Variants in KIF18B observed in about 807,000 individuals in gnomAD.
KIF18B encodes kinesin-like protein KIF18B.
Under a neutral mutation model 80.9 loss-of-function variants are expected in KIF18B, and 49 were observed. The ratio of observed to expected loss-of-function variants is 0.61; its 90% confidence interval spans 0.48 to 0.77. KIF18B has a LOEUF of 0.77. Among genes scored for constraint, KIF18B ranks in the 30% least tolerant of loss-of-function variants. The pLI is 0.00. For missense variants in KIF18B, 994 were observed against 1,127.7 expected, an observed-to-expected ratio of 0.88 and a Z score of 1.70; for synonymous variants, 439 against 463.9, an observed-to-expected ratio of 0.95 and a Z score of 0.69.
chr17:44,926,680 C>T (rs966136622), intron 14 of KIF18B, among the ~76,000 whole-genome samples, 181 bp from the exon 15 acceptor site: 6 of 152,126 alleles, frequency 3.9e-5, no homozygotes, highest in African/African-American at 1.4e-4. Flanking sequence ...GGGTTGGGGA[C>T]ACAAGAGGGA....
chr17:44,943,836 T>TAC (rs972802497), intron 1 of KIF18B, among the ~76,000 whole-genome samples: 11 of 152,268 alleles, frequency 7.2e-5, no homozygotes, highest in African/African-American at 2.4e-4. Context: ...TCATGTCACC[T>TAC]ACCTCCCCAG....
chr17:44,933,545 T>C (rs1231333026), intron 7 of KIF18B, among the ~76,000 whole-genome samples: 3 of 150,882 alleles, frequency 2.0e-5, no homozygotes. Flanking sequence ...CAGGCTGGAG[T>C]GCAGTGGCAT....
intron 11 of KIF18B, among the ~76,000 whole-genome samples, chr17:44,929,649 T>TAC (rs2052106177): frequency 6.6e-6 from 1 of 152,224 alleles, no homozygotes; most frequent in South Asian, 2.1e-4. Flanking sequence ...ATAAGCACTG[T>TAC]AGGTCTAGCT....
intron 1 of KIF18B, among the ~76,000 whole-genome samples, chr17:44,944,870 G>A (rs1015062108): frequency 5.9e-5 from 9 of 152,184 alleles, no homozygotes; most frequent in East Asian, 1.9e-4. Context: ...TTCCATTGCC[G>A]TTTCTCTTTC....
chr17:44,943,184 C>T (rs1181448184), intron 1 of KIF18B, among the ~76,000 whole-genome samples: 1 of 152,108 alleles, frequency 6.6e-6, no homozygotes, highest in Admixed American at 6.6e-5. Flanking sequence ...ACTGCAAGCT[C>T]CGCCTCCTGG....
chr17:44,934,424 C>T lies in KIF18B; in HGVS notation c.694G>A (p.Val232Met). 6.2e-7 allele frequency: 1 copy of T among 1,606,352 alleles called. No homozygotes were observed. The highest frequency in any genetic ancestry group is 8.5e-7 in the Non-Finnish European group (1 of 1,176,000). ...CCTGGAACCCGGTCCTGCTGCTTCA[C>T]AAAGATCTGAAGGCAGATGGCAGGG... is the stretch of plus-strand genomic sequence containing the variant. ...SRSHAIFQIFVKQQDRVPGLT... is the reference protein window; with the variant it reads ...SRSHAIFQIFMKQQDRVPGLT... Residue 232 changes from valine (V) to methionine (M), a missense_variant, in exon 6 of 16, where the codon GTG becomes ATG. Coordinates refer to ENST00000593135, the MANE Select transcript of KIF18B (RefSeq NM_001265577.2). This position sits in a 1 kb window ranked among gnomAD's most constrained non-coding sequence, Gnocchi z 5.4.
rs376484406 is a variant in KIF18B, at chr17:44,928,150, G to C, written c.2152C>G (p.Arg718Gly). The C allele has an allele frequency of 6.2e-7, 1 of 1,608,428 alleles. No individual in the cohort carries two copies. Among genetic ancestry groups the C allele is most frequent in the African/African-American group, 1.3e-5 (1 of 74,638 alleles). Residue 718 changes from arginine (R) to glycine (G), a missense_variant, in exon 13 of 16, where the codon CGA becomes GGA. Coordinates refer to ENST00000593135, the MANE Select transcript of KIF18B (RefSeq NM_001265577.2). The stretch of plus-strand genomic sequence containing the variant: ...AGATCAAAGGTGGCATTGAGGTCTC[G>C]AGTGGGCAGAGCCAGCGGGGTGGAG... ...NCSTPLALPT[R>G]DLNATFDLSE... is the part of the protein sequence containing the mutation.
chr17:44,945,998 T>C (rs749517636), intron 1 of KIF18B, among the ~76,000 whole-genome samples: 4 of 147,778 alleles, frequency 2.7e-5, no homozygotes, highest in Non-Finnish European at 5.9e-5. Flanking sequence ...GGTAGGAGAA[T>C]AGCTTGAGGT....
At chr17:44,928,759 C>A in intron 12 of KIF18B, 60 bp downstream of exon 12, 1 of 1,551,212 alleles carries the variant, frequency 6.4e-7, no homozygotes, top group Non-Finnish European at 8.8e-7. Context: ...CCCTTGGCCC[C>A]AGTGGGGCCT....
intron 12 of KIF18B, 67 bp from the exon 13 acceptor site, chr17:44,928,645 T>A (rs2052083165): frequency 2.1e-6 from 3 of 1,418,684 alleles, no homozygotes; most frequent in Non-Finnish European, 2.8e-6. Context: ...AAGGAGCCCA[T>A]AACCCCTCAG....
In KIF18B at chr17:44,932,200, G is replaced by A; in HGVS notation, c.1245C>T (p.Pro415=). The A allele has an allele frequency of 6.3e-7, 1 of 1,591,738 alleles. No individual in the cohort carries two copies. Among genetic ancestry groups the A allele is most frequent in the Non-Finnish European group, 8.6e-7 (1 of 1,167,130 alleles). Residue 415 remains proline, a synonymous_variant, in exon 10 of 16, where the codon CCC becomes CCT. Coordinates refer to ENST00000593135, the MANE Select transcript of KIF18B (RefSeq NM_001265577.2). ...GCCCTGCAGGGAGCTCTGGGGTGCA[G>A]GGCTGGCTGGGAGGGTGGGGTGGCA... is the stretch of plus-strand genomic sequence containing the variant. ...PKSGPPPEHQ[P]CTPELPAGPR...
At position 44,934,595 on chromosome 17, in the gene KIF18B, A is replaced by T. The variant is rs764386228; in HGVS notation, c.599T>A (p.Leu200Gln). Residue 200 changes from leucine to glutamine, a missense_variant, in exon 5 of 16, where the codon CTG becomes CAG. Physicochemically the swap from Leu to Gln is moderately radical, Grantham distance 113. Coordinates refer to ENST00000593135, the MANE Select transcript of KIF18B (RefSeq NM_001265577.2). The surrounding 1 kb of genome is among the most constrained non-coding windows in gnomAD (Gnocchi z 5.4). ...FHQPASAEQL[L>Q]EILTRGNRNR... ...ACGGTTCCCCCTGGTCAGTATCTCC[A>T]GCAGCTGCTCGGCTGAGGCTGGCTA... 4 of 1,610,044 alleles carry T rather than the reference A, an allele frequency of 2.5e-6. No homozygotes were observed. The African/African-American group carries it at 5.3e-5, about 22-fold the overall frequency.
chr17:44,926,924 G>A (rs1214862169), intron 14 of KIF18B, 65 bp downstream of exon 14: 2 of 1,396,966 alleles, frequency 1.4e-6, no homozygotes, highest in Non-Finnish European at 2.0e-6. Flanking sequence ...AGTCGGCCCA[G>A]GTGTCTACTG....
chr17:44,936,614 ATATATATATATTTTTTTTTTT>A (rs2052309627), intron 1 of KIF18B, among the ~76,000 whole-genome samples: 2 of 79,124 alleles, frequency 2.5e-5, no homozygotes, highest in African/African-American at 9.7e-5. Context: ...ATATATATAT[ATATATATATATTTTTTTTTTT>A]TTTTTTTTTT....
At chr17:44,932,864 G>A in intron 8 of KIF18B, 48 bp downstream of exon 8, 1 of 1,585,086 alleles carries the variant, frequency 6.3e-7, no homozygotes, top group Non-Finnish European at 8.6e-7. Context: ...TCAAGCTCCT[G>A]CCTCTGGCTG....
chr17:44,935,955 C>T, intron 2 of KIF18B, 77 bp downstream of exon 2: 1 of 1,376,856 alleles, frequency 7.3e-7, no homozygotes, highest in East Asian at 2.3e-5. Flanking sequence ...GGGCACATGC[C>T]AGAAGACACA....
At chr17:44,937,012 C>T (rs565654988) in intron 1 of KIF18B, among the ~76,000 whole-genome samples, 3 of 144,156 alleles carry the variant, frequency 2.1e-5, no homozygotes, top group African/African-American at 7.6e-5. Flanking sequence ...TTTGTCTATT[C>T]TTTTTTTTTT....
chr17:44,935,436 G>A lies in KIF18B; in HGVS notation c.314-20C>T. 1.3e-6 allele frequency: 2 copies of A among 1,577,136 alleles called. No homozygotes were observed. The highest frequency in any genetic ancestry group is 1.7e-6 in the Non-Finnish European group (2 of 1,158,496). The stretch of plus-strand genomic sequence containing the variant: ...CAAACACTGCAGAGGACATAGTAAG[G>A]AGGAGGACCCCAGTGCCTTGCCACC... On this transcript the variant is annotated intron_variant, in intron 2 of 15. Transcript: ENST00000593135.
intron 1 of KIF18B, among the ~76,000 whole-genome samples, chr17:44,937,512 C>T (rs953705623): frequency 6.6e-6 from 1 of 152,102 alleles, no homozygotes; most frequent in Non-Finnish European, 1.5e-5. Flanking sequence ...TACTTAATTG[C>T]TCCCGTGGAT....
Sources: allele counts gnomAD v4.1 joint callset (sites outside exome capture counted in the v4.1 genomes callset), GRCh38; gene constraint gnomAD v4.1.1; non-coding constraint Gnocchi (gnomAD v3.1); transcripts MANE v1.5; gene names NCBI Gene and HGNC (gene_info 2026-07-23, HGNC 2026-07-21).